Variants in ABLIM2 observed in about 807,000 individuals in gnomAD.
ABLIM2 encodes actin binding LIM protein family member 2, also known as actin-binding LIM protein 2.
Under a neutral mutation model 97.7 loss-of-function variants are expected in ABLIM2, and 53 were observed. That is an observed-to-expected ratio of 0.54 (90% CI 0.44 to 0.68). The LOEUF (loss-of-function observed/expected upper bound fraction) is 0.68. Among genes scored for constraint, ABLIM2 ranks in the 30% least tolerant of loss-of-function variants. The pLI is 0.00. For missense variants in ABLIM2, 835 were observed against 867.2 expected (o/e 0.96, Z 0.47); for synonymous variants, 361 against 345.8 (o/e 1.04, Z -0.49).
rs1423905889 is a variant in ABLIM2 at position 8,033,617 on chromosome 4, G to A, written c.1047+2532C>T. 4.6e-5 allele frequency among the ~76,000 whole-genome samples: 7 copies of A among 152,208 alleles called. No homozygotes were observed. Among genetic ancestry groups the A allele is most frequent in the African/African-American group, 9.6e-5 (4 of 41,468 alleles). On this transcript the variant is annotated intron_variant, in intron 10 of 20. Transcript: ENST00000447017. This position sits in a 1 kb window ranked among gnomAD's most constrained non-coding sequence, Gnocchi z 4.5. ...CACAGGTGCCACTGTTTAGCAGAGC[G>A]GGAGGCCAACCCAGGTCTCCCCAGA...
intron 2 of ABLIM2, among the ~76,000 whole-genome samples, chr4:8,097,518 G>C (rs1013324686): frequency 1.3e-5 from 2 of 152,200 alleles, no homozygotes; most frequent in African/African-American, 4.8e-5. Flanking sequence ...CTTGGGAAAG[G>C]GCACTGACCG....
chr4:7,974,391 C>G (rs1731020635), intron 20 of ABLIM2, among the ~76,000 whole-genome samples: 1 of 102,346 alleles, frequency 9.8e-6, no homozygotes, highest in African/African-American at 3.1e-5. Context: ...ACCCATCCAC[C>G]CATCCATCCA....
chr4:8,016,259 G>C (rs2150733539), intron 14 of ABLIM2, among the ~76,000 whole-genome samples: 1 of 152,144 alleles, frequency 6.6e-6, no homozygotes, highest in South Asian at 2.1e-4. Flanking sequence ...GGCCAGGCTG[G>C]TCTCAAACTC....
At position 8,127,366 on chromosome 4, in the gene ABLIM2, G is replaced by A. The variant is rs1028995029; in HGVS notation, c.11-20729C>T. The stretch of plus-strand genomic sequence containing the variant: ...GTCCCCGAAGCCTGCACCCACTGGC[G>A]CTCGTGGTGCCGGCGCTCATGACCT... On this transcript the variant is annotated intron_variant, in intron 1 of 20. Coordinates refer to ENST00000447017, the MANE Select transcript of ABLIM2 (RefSeq NM_001130083.2). This position sits in a 1 kb window ranked among gnomAD's most constrained non-coding sequence, Gnocchi z 7.3. Among the ~76,000 whole-genome samples, 13 of 152,256 alleles carry A rather than the reference G, an allele frequency of 8.5e-5. No individual in the cohort carries two copies. Among genetic ancestry groups the A allele is most frequent in the East Asian group, 3.9e-4 (2 of 5,158 alleles).
At position 8,020,316 on chromosome 4, in the gene ABLIM2, G is replaced by A. The variant is rs1324563185; in HGVS notation, c.1268-13C>T. ...CCACTTTCACTGCCTCCAGACGGAA[G>A]GGCAAAGGCAGCAGATAGAAGGGGA... On this transcript the variant is annotated splice_polypyrimidine_tract_variant and intron_variant, in intron 12 of 20. Transcript: ENST00000447017. 4.3e-6 allele frequency: 7 copies of A among 1,609,866 alleles called. No homozygotes were observed. The highest frequency in any genetic ancestry group is 3.3e-5 in the Admixed American group (2 of 59,900).
intron 8 of ABLIM2, among the ~76,000 whole-genome samples, chr4:8,049,213 C>T (rs1226922551): frequency 6.6e-6 from 1 of 152,252 alleles, no homozygotes; most frequent in East Asian, 1.9e-4. Flanking sequence ...TCTATGTTCA[C>T]AGTGCTCAAT....
rs892344166 is a variant in ABLIM2 at position 8,127,436 on chromosome 4, C to G, written c.11-20799G>C. 9 of 1,232,840 alleles carry G rather than the reference C, an allele frequency of 7.3e-6. No homozygotes were observed. Among genetic ancestry groups the G allele is most frequent in the Non-Finnish European group, 8.5e-6 (8 of 943,742 alleles). 76.4% of individuals were successfully genotyped at this position (1,232,840 alleles called of 1,614,324 possible). A position where few individuals can be genotyped will look rare whatever the true frequency, so the allele number is the denominator to read the frequency against. On this transcript the variant is annotated intron_variant, in intron 1 of 20. Coordinates refer to ENST00000447017, the MANE Select transcript of ABLIM2 (RefSeq NM_001130083.2). This position sits in a 1 kb window ranked among gnomAD's most constrained non-coding sequence, Gnocchi z 7.3. ...ACTGGACCCGTCCTTTCCCACCAGACCCCTGAAGCTGATTCATGGAGCTCA... is the reference window on the plus strand; with the variant it reads ...ACTGGACCCGTCCTTTCCCACCAGAGCCCTGAAGCTGATTCATGGAGCTCA...
chr4:8,053,422 G>A (rs1457938869), intron 8 of ABLIM2, among the ~76,000 whole-genome samples: 2 of 152,238 alleles, frequency 1.3e-5, no homozygotes, highest in African/African-American at 4.8e-5. Flanking sequence ...AGGACCTCCT[G>A]AGGCTGTGTC....
At chr4:8,135,632 G>A in intron 1 of ABLIM2, among the ~76,000 whole-genome samples, 1 of 152,224 alleles carries the variant, frequency 6.6e-6, no homozygotes, top group East Asian at 1.9e-4. Flanking sequence ...CCAGCCTCCA[G>A]GACTGTGAGA....
In ABLIM2 at chr4:8,087,444, G is replaced by A. The variant is rs1577470961; in HGVS notation, c.454+725C>T. ...TCAGGAAGCATCTTGAGCCCCCACT[G>A]CATACACACCTGGCCTAACTCCTGG... is the stretch of plus-strand genomic sequence containing the variant. On this transcript the variant is annotated intron_variant, in intron 4 of 20. Transcript: ENST00000447017. The surrounding 1 kb of genome is among the most constrained non-coding windows in gnomAD (Gnocchi z 4.6). Among the ~76,000 whole-genome samples, 1 of 152,244 alleles carries A rather than the reference G, an allele frequency of 6.6e-6. No homozygotes were observed. Among genetic ancestry groups the A allele is most frequent in the South Asian group, 2.1e-4 (1 of 4,814 alleles).
chr4:8,133,610 C>G (rs368816618), intron 1 of ABLIM2, among the ~76,000 whole-genome samples: 1 of 152,186 alleles, frequency 6.6e-6, no homozygotes, highest in South Asian at 2.1e-4. Context: ...GATCCCAGCC[C>G]GGCTGGAGCT....
chr4:8,108,891 T>C (rs62289386), intron 1 of ABLIM2, among the ~76,000 whole-genome samples: 16,278 of 152,300 alleles, frequency 0.11, 962 homozygotes, highest in South Asian at 0.14. Flanking sequence ...TGGGTTCCCA[T>C]GAAGCCGGCC....
chr4:8,135,762 C>T (rs1850107655), intron 1 of ABLIM2, among the ~76,000 whole-genome samples: 1 of 152,240 alleles, frequency 6.6e-6, no homozygotes, highest in African/African-American at 2.4e-5. Flanking sequence ...GACTCGGCAC[C>T]CAGCCCGGAG....
At position 8,080,740 on chromosome 4, in the gene ABLIM2, A is replaced by T. The variant is rs1819290219; in HGVS notation, c.517T>A (p.Trp173Arg). The change falls in exon 5 of 21, where the codon TGG (tryptophan) becomes AGG (arginine). Residue 173 changes from tryptophan to arginine, a missense_variant. Trp to Arg is a moderately radical substitution (Grantham distance 101). Transcript: ENST00000447017. ...TTGCACTTAAAACAGCCCAAGTGCC[A>T]GTGCTTGTCCAAGGCTACCAGGGCC... The part of the protein sequence containing the change: ...GQALVALDKH[W>R]HLGCFKCKSC... 1.2e-6 allele frequency: 2 copies of T among 1,612,958 alleles called. No individual in the cohort carries two copies.
At chr4:8,158,561 G>C in intron 1 of ABLIM2, 119 bp downstream of exon 1, 1 of 1,286,898 alleles carries the variant, frequency 7.8e-7, no homozygotes, top group Non-Finnish European at 1.1e-6. Context: ...CAAAAGTTGG[G>C]TGGAGCCGCT....
At chr4:8,045,439 A>G (rs556130092) in intron 8 of ABLIM2, among the ~76,000 whole-genome samples, 198 bp from the exon 9 acceptor site, 8 of 152,342 alleles carry the variant, frequency 5.3e-5, no homozygotes, top group Middle Eastern at 3.4e-3. Flanking sequence ...TCACGAGGTC[A>G]GGAGTTCGAG....
chr4:8,119,250 T>G (rs1005235960), intron 1 of ABLIM2, among the ~76,000 whole-genome samples: 24 of 151,212 alleles, frequency 1.6e-4, no homozygotes, highest in African/African-American at 5.8e-4. Context: ...GGATGCTGGG[T>G]ATGGAAGGAT....
chr4:8,058,459 A>T lies in ABLIM2; in HGVS notation c.763+2508T>A, dbSNP rs927135978. Among the ~76,000 whole-genome samples the T allele has an allele frequency of 6.6e-6, 1 of 152,236 alleles. No homozygotes were observed. The highest frequency in any genetic ancestry group is 2.4e-5 in the African/African-American group (1 of 41,468). ...GCACCTGCACGGCAGACGCTCTGAC[A>T]GCAGCTCTCCCAGACCTGGCCGGGC... On this transcript the variant is annotated intron_variant, in intron 7 of 20. Coordinates refer to ENST00000447017, the MANE Select transcript of ABLIM2 (RefSeq NM_001130083.2). This position sits in a 1 kb window ranked among gnomAD's most constrained non-coding sequence, Gnocchi z 4.2.
At position 8,147,635 on chromosome 4, in the gene ABLIM2, G is replaced by A. The variant is rs150884822; in HGVS notation, c.10+11045C>T. 6.1e-3 allele frequency among the ~76,000 whole-genome samples: 928 copies of A among 152,302 alleles called. 6 individuals carry two copies. Among genetic ancestry groups the A allele is most frequent in the Non-Finnish European group, 8.2e-3 (559 of 68,032 alleles). ...GTTTGAAGACTCTGCCTTGAAGATT[G>A]GAGCAACGTGGCCACAAACCTCAGA... On this transcript the variant is annotated intron_variant, in intron 1 of 20. Coordinates refer to ENST00000447017, the MANE Select transcript of ABLIM2 (RefSeq NM_001130083.2). This position sits in a 1 kb window ranked among gnomAD's most constrained non-coding sequence, Gnocchi z 5.3.
Sources: allele counts gnomAD v4.1 joint callset (sites outside exome capture counted in the v4.1 genomes callset), GRCh38; gene constraint gnomAD v4.1.1; non-coding constraint Gnocchi (gnomAD v3.1); transcripts MANE v1.5; gene names NCBI Gene and HGNC (gene_info 2026-07-23, HGNC 2026-07-21).